The following POLR1B variants were observed in gnomAD, a reference collection of about 807,000 sequenced individuals.
The protein encoded by POLR1B is DNA-directed RNA polymerase I subunit RPA2.
Under a neutral mutation model 105.8 loss-of-function variants are expected in POLR1B, and 30 were observed. The observed-to-expected ratio is 0.28, with a 90% confidence interval of 0.21 to 0.38. The LOEUF is 0.38. Among genes scored for constraint, POLR1B ranks in the 10% least tolerant of loss-of-function variants. The probability of loss-of-function intolerance (pLI) is 1.00; values close to 1 mark genes in which losing one functional copy is unlikely to be tolerated. For synonymous variants in POLR1B, 485 were observed against 505.1 expected, an observed-to-expected ratio of 0.96 and a Z score of 0.53; for missense variants, 976 against 1,435.8, an observed-to-expected ratio of 0.68 and a Z score of 5.17.
Position 112,549,392 on chromosome 2 carries a change from T to C in POLR1B, c.618T>C (p.Thr206=), listed in dbSNP as rs759899536. The C allele has an allele frequency of 6.2e-7, 1 of 1,606,972 alleles. No homozygotes were observed. Among genetic ancestry groups the C allele is most frequent in the South Asian group, 1.1e-5 (1 of 90,026 alleles). The change falls in exon 4 of 15, where the codon ACT becomes ACC. Residue 206 remains threonine, a synonymous_variant. Coordinates refer to ENST00000263331, the MANE Select transcript of POLR1B (RefSeq NM_019014.6). ...GGAAAACCAGAGGGCCTGGTTATAC[T>C]CAGTATGGTAAGTTCTGGAGATTAT... ...PKWKTRGPGY[T]QYGVSMHCVR... is the part of the protein sequence containing the mutation.
Position 112,573,728 on chromosome 2 carries a change from C to A in POLR1B, c.2438C>A (p.Pro813Gln), listed in dbSNP as rs1347607086. ...VLQKLDDDGLPFIGAKLQYGD... is the reference protein window; with the variant it reads ...VLQKLDDDGLQFIGAKLQYGD... ...CAGAAGTTAGATGACGATGGATTGC[C>A]GTTTATAGGAGCAAAACTGCAGTAC... is the stretch of plus-strand genomic sequence containing the variant. The change falls in exon 14 of 15, where the codon CCG becomes CAG. Residue 813 changes from proline to glutamine, a missense_variant. By Grantham distance (76) the Pro-to-Gln change is moderately conservative (BLOSUM62 -1). This residue lies in a region of POLR1B where 119 missense variants were observed against 149.7 expected (regional missense o/e 0.79). Transcript: ENST00000263331. 6.2e-7 allele frequency: 1 copy of A among 1,614,170 alleles called. No homozygotes were observed. Among genetic ancestry groups the A allele is most frequent in the Non-Finnish European group, 8.5e-7 (1 of 1,180,026 alleles).
chr2:112,557,859 C>T lies in POLR1B; in HGVS notation c.1159-51C>T, dbSNP rs1315973716. 7.6e-6 allele frequency: 8 copies of T among 1,048,736 alleles called. No individual in the cohort carries two copies. The Admixed American group carries it at 3.4e-4, about 45-fold the overall frequency. 65.0% of individuals were successfully genotyped at this position (1,048,736 alleles called of 1,614,324 possible). The stretch of plus-strand genomic sequence containing the variant: ...ATCCTGGGATTATAGATGTGAGCCA[C>T]CACACCTGGCTCACATACTATTTTA... On this transcript the variant is annotated intron_variant, in intron 7 of 14. Coordinates refer to ENST00000263331, the MANE Select transcript of POLR1B (RefSeq NM_019014.6).
chr2:112,573,873 G>A (rs1684722824), intron 14 of POLR1B, 58 bp downstream of exon 14: 3 of 1,569,012 alleles, frequency 1.9e-6, no homozygotes, highest in Admixed American at 1.7e-5. Context: ...TTGAGACAGG[G>A]TCTCAGTGTG....
In POLR1B at chr2:112,573,572, A is replaced by G. The variant is rs1684700280; in HGVS notation, c.2282A>G (p.Lys761Arg). 1 of 1,612,724 alleles carries G rather than the reference A, an allele frequency of 6.2e-7. No individual in the cohort carries two copies. The highest frequency in any genetic ancestry group is 1.3e-5 in the African/African-American group (1 of 74,908). The change falls in exon 14 of 15, where the codon AAG (lysine) becomes AGG (arginine). Residue 761 changes from lysine to arginine, a missense_variant. By Grantham distance (26) the Lys-to-Arg change is conservative. This residue lies in a region of POLR1B where 119 missense variants were observed against 149.7 expected (regional missense o/e 0.79). Coordinates refer to ENST00000263331, the MANE Select transcript of POLR1B (RefSeq NM_019014.6). Reference protein sequence around the residue: ...YDMEDAMIVNKASWERGFAHG... With the variant: ...YDMEDAMIVNRASWERGFAHG... ...TCTTTTACTTCACAGATTGTGAATA[A>G]GGCCTCTTGGGAACGAGGCTTTGCC... is the stretch of plus-strand genomic sequence containing the variant.
rs777158076 is a variant in POLR1B, at chr2:112,572,588, C to A, written c.2101C>A (p.Leu701Ile). 4.5e-5 allele frequency: 71 copies of A among 1,587,934 alleles called. No homozygotes were observed. Among genetic ancestry groups the A allele is most frequent in the Non-Finnish European group, 5.8e-5 (68 of 1,168,166 alleles). ...TAAGCAAACTATGGGCTTTCCACTT[C>A]TCACTTATCAAGACCGATCGGATAA... ...MGKQTMGFPL[L>I]TYQDRSDNKL... The change falls in exon 13 of 15, where the codon CTC becomes ATC. Residue 701 changes from leucine (L) to isoleucine (I), a missense_variant. Leu to Ile is a conservative substitution (Grantham distance 5). Around this residue, in one of 12 missense-constraint regions of POLR1B, gnomAD observed 46 missense variants for 66.8 expected, o/e 0.69. Transcript: ENST00000263331.
intron 9 of POLR1B, among the ~76,000 whole-genome samples, chr2:112,562,728 CTTT>C (rs70965010): frequency 5.0e-5 from 6 of 120,628 alleles, no homozygotes; most frequent in Middle Eastern, 4.2e-3. Flanking sequence ...TCTTTTTTTT[CTTT>C]TTTTTTTTTT....
At position 112,572,776 on chromosome 2, in the gene POLR1B, ATGT is replaced by A. The variant is rs746837880; in HGVS notation, c.2271+23_2271+25del. The A allele has an allele frequency of 9.9e-5, 152 of 1,535,770 alleles. 1 individual carries two copies. The South Asian group carries it at 1.2e-3, about 13-fold the overall frequency. On this transcript the variant is annotated intron_variant, in intron 13 of 14. Transcript: ENST00000263331. ...ATGCCATGGTAAGTTTTACCAGGAA[ATGT>A]TGTTCCAATCTTTTTATTTTTTAAC...
intron 12 of POLR1B, among the ~76,000 whole-genome samples, chr2:112,569,716 C>T (rs1488365760): frequency 6.6e-6 from 1 of 151,890 alleles, no homozygotes; most frequent in Non-Finnish European, 1.5e-5. Context: ...CTCACCACCA[C>T]ACCCAGCTAA....
intron 9 of POLR1B, among the ~76,000 whole-genome samples, chr2:112,561,321 GAGA>G (rs1468345082): frequency 1.3e-5 from 2 of 152,138 alleles, no homozygotes; most frequent in South Asian, 2.1e-4. Context: ...TCTAGCACTG[GAGA>G]AGAAGACGGA....
chr2:112,562,751 G>A (rs1464193760), intron 9 of POLR1B, among the ~76,000 whole-genome samples: 4 of 135,540 alleles, frequency 3.0e-5, no homozygotes, highest in Admixed American at 7.7e-5. Context: ...TTTTTGCGAC[G>A]GAGTTTCGCT....
intron 12 of POLR1B, among the ~76,000 whole-genome samples, chr2:112,570,809 C>T (rs1327434763): frequency 4.8e-5 from 7 of 147,078 alleles, no homozygotes; most frequent in African/African-American, 1.0e-4. Context: ...GACAGGGTAT[C>T]GCTCTGTCAC....
At chr2:112,563,150 G>C (rs1353333520) in intron 9 of POLR1B, among the ~76,000 whole-genome samples, 2 of 151,390 alleles carry the variant, frequency 1.3e-5, no homozygotes, top group Non-Finnish European at 2.9e-5. Context: ...TGCCTCCCGG[G>C]TTCACGCCAT....
In POLR1B at chr2:112,579,214, A is replaced by C. The variant is rs1376370841; in HGVS notation, c.*3485A>C. ...CAGAGCAAGACTAGAGTCTCAAAAA[A>C]AAAAAAAAAAAAAAAAAAAAAAAAA... On this transcript the variant is annotated 3_prime_UTR_variant, in exon 15 of 15. Transcript: ENST00000263331. 1.6e-5 allele frequency among the ~76,000 whole-genome samples: 1 copy of C among 64,124 alleles called. No individual in the cohort carries two copies. Among genetic ancestry groups the C allele is most frequent in the African/African-American group, 4.5e-5 (1 of 22,138 alleles). 42.1% of individuals were successfully genotyped at this position (64,124 alleles called of 152,430 possible).
chr2:112,550,780 A>G, intron 4 of POLR1B, 86 bp from the exon 5 acceptor site: 1 of 1,394,800 alleles, frequency 7.2e-7, no homozygotes, highest in Non-Finnish European at 9.9e-7. Flanking sequence ...ATTGTGTCTA[A>G]GAGGTTAAGA....
In POLR1B at chr2:112,579,020, C is replaced by T. The variant is rs1377630573; in HGVS notation, c.*3291C>T. On this transcript the variant is annotated 3_prime_UTR_variant, in exon 15 of 15. Transcript: ENST00000263331. ...GTCAGGAGTTTGAGACCAGCCTGGC[C>T]ATCATGGGGAAACCCCGTCTCTATT... 2.0e-5 allele frequency among the ~76,000 whole-genome samples: 3 copies of T among 151,808 alleles called. No individual in the cohort carries two copies. Among genetic ancestry groups the T allele is most frequent in the Non-Finnish European group, 4.4e-5 (3 of 67,946 alleles).
intron 1 of POLR1B, among the ~76,000 whole-genome samples, chr2:112,544,999 A>C (rs1034886190): frequency 1.3e-5 from 2 of 152,204 alleles, no homozygotes; most frequent in African/African-American, 4.8e-5. Flanking sequence ...CCCAGCTGAG[A>C]TCTAACAAGG....
intron 10 of POLR1B, 109 bp downstream of exon 10, chr2:112,564,608 G>A: frequency 7.0e-7 from 1 of 1,436,354 alleles, no homozygotes; most frequent in African/African-American, 1.4e-5. Flanking sequence ...AAGTGGTCAG[G>A]GGGTCACAAT....
rs531223953 is a variant in POLR1B, at chr2:112,551,490, A to G, written c.763-285A>G. On this transcript the variant is annotated intron_variant, in intron 5 of 14. Transcript: ENST00000263331. Reference sequence around the variant, plus strand: ...TGTGATCTAGCCCTGGGAGTCTCCCATTATCTTTTTCACCACATTCTCTTG... The same window carrying G: ...TGTGATCTAGCCCTGGGAGTCTCCCGTTATCTTTTTCACCACATTCTCTTG... Among the ~76,000 whole-genome samples, 8 of 152,278 alleles carry G rather than the reference A, an allele frequency of 5.3e-5. No individual in the cohort carries two copies. The South Asian group carries it at 1.5e-3, about 28-fold the overall frequency.
intron 9 of POLR1B, 75 bp from the exon 10 acceptor site, chr2:112,564,290 TG>T: frequency 6.5e-7 from 1 of 1,549,940 alleles, no homozygotes; most frequent in Non-Finnish European, 8.8e-7. Context: ...CAGCAGCTGT[TG>T]ACCCCATCTG....
Sources: gnomAD v4.1 joint callset for allele counts (sites outside exome capture counted in the v4.1 genomes callset) on GRCh38, gnomAD v4.1.1 for gene constraint, gnomAD v4.1.1 regional missense constraint, MANE v1.5 for transcripts, NCBI Gene and HGNC (gene_info 2026-07-23, HGNC 2026-07-21) for gene names.